The following PALB2 variants were observed in gnomAD, a reference collection of about 807,000 sequenced individuals.
PALB2 encodes partner and localizer of BRCA2, also known as mutant partner and localizer of BRCA2.
In PALB2, 82 loss-of-function variants were observed where a neutral mutation model predicts 107.4. The ratio of observed to expected loss-of-function variants is 0.76; its 90% confidence interval spans 0.64 to 0.92. PALB2 has a LOEUF of 0.92. Among genes scored for constraint, PALB2 ranks in the 40% least tolerant of loss-of-function variants. PALB2 has a pLI of 0.00. For synonymous variants in PALB2, 489 were observed against 496.8 expected (o/e 0.98, Z 0.21); for missense variants, 1,374 against 1,379.9 (o/e 1.00, Z 0.07).
chr16:23,634,255 A>G (rs1041206645), intron 4 of PALB2, among the ~76,000 whole-genome samples: 1 of 152,158 alleles, frequency 6.6e-6, no homozygotes, highest in Admixed American at 6.5e-5. Flanking sequence ...ATCTCCCTGT[A>G]CTTTAGTTTC....
intron 1 of PALB2, 94 bp from the exon 2 acceptor site, chr16:23,638,223 G>A: frequency 2.2e-6 from 2 of 914,354 alleles, no homozygotes; most frequent in South Asian, 1.3e-5. Context: ...TTGGCAAGAG[G>A]CAGGGAGTAG....
rs863224789 is a variant in PALB2 at position 23,636,166 on chromosome 16, T to C, written c.380A>G (p.His127Arg). 2 of 1,612,168 alleles carry C rather than the reference T, an allele frequency of 1.2e-6. No homozygotes were observed. The highest frequency in any genetic ancestry group is 4.5e-5 in the East Asian group (2 of 44,854). ...PIQRTDDTQE[H>R]FPHRVSDPSG... The stretch of plus-strand genomic sequence containing the variant: ...AGGGTCACTGACCCTGTGGGGAAAA[T>C]GTTCTTGGGTGTCATCTGTTCTTTG... Residue 127 changes from histidine to arginine, a missense_variant, in exon 4 of 13, where the codon CAT (histidine) becomes CGT (arginine). Coordinates refer to ENST00000261584, the MANE Select transcript of PALB2 (RefSeq NM_024675.4).
intron 1 of PALB2, chr16:23,640,201 C>T (rs1967186083): frequency 5.6e-6 from 1 of 177,694 alleles, no homozygotes; most frequent in Non-Finnish European, 1.2e-5. Flanking sequence ...TCCCACCAAT[C>T]TTATCAATGT....
intron 11 of PALB2, 48 bp downstream of exon 11, chr16:23,613,956 T>G: frequency 1.4e-5 from 20 of 1,415,800 alleles, no homozygotes; most frequent in Non-Finnish European, 1.9e-5. Flanking sequence ...TCTCACTTAA[T>G]GAGACCAACA....
rs1967221868 is a variant in PALB2 at position 23,640,977 on chromosome 16, C to T, written c.48+133G>A. ...TTTCCACATTTTCATTTTCTGTGCC[C>T]CCTCAGCCCTAAGAGGAGGGGGTGG... On this transcript the variant is annotated intron_variant, in intron 1 of 12. Transcript: ENST00000261584. 7 of 979,476 alleles carry T rather than the reference C, an allele frequency of 7.1e-6. No homozygotes were observed. In the East Asian group the frequency reaches 1.9e-4, roughly 26 times the overall value. 60.7% of individuals were successfully genotyped at this position (979,476 alleles called of 1,614,324 possible). A position where few individuals can be genotyped will look rare whatever the true frequency, so the allele number is the denominator to read the frequency against.
intron 3 of PALB2, among the ~76,000 whole-genome samples, 170 bp downstream of exon 3, chr16:23,637,679 TG>T (rs1429964014): frequency 6.6e-6 from 1 of 152,150 alleles, no homozygotes; most frequent in Non-Finnish European, 1.5e-5. Context: ...CACTCCAGCC[TG>T]GGTAACAAAG....
chr16:23,623,148 A>G lies in PALB2; in HGVS notation c.2835-18T>C, dbSNP rs1966806281. ...ACAATGCCCTAAGCCAAATATAAGG[A>G]AAAATGGGGTGATGTGAGGAGTAAC... is the stretch of plus-strand genomic sequence containing the variant. On this transcript the variant is annotated intron_variant, in intron 8 of 12. Coordinates refer to ENST00000261584, the MANE Select transcript of PALB2 (RefSeq NM_024675.4). The G allele has an allele frequency of 4.4e-6, 7 of 1,609,052 alleles. No homozygotes were observed. The highest frequency in any genetic ancestry group is 5.1e-6 in the Non-Finnish European group (6 of 1,175,970).
chr16:23,606,587 ACAAT>A (rs1966478854), intron 12 of PALB2, among the ~76,000 whole-genome samples: 1 of 152,174 alleles, frequency 6.6e-6, no homozygotes, highest in Non-Finnish European at 1.5e-5. Flanking sequence ...GTGCAGTGGT[ACAAT>A]CTCGGCTCAC....
chr16:23,621,581 T>C (rs956604487), intron 9 of PALB2, 103 bp from the exon 10 acceptor site: 9 of 728,198 alleles, frequency 1.2e-5, no homozygotes, highest in Non-Finnish European at 1.9e-5. Flanking sequence ...TAACCTAATA[T>C]CAGGAAAAAA....
At chr16:23,627,505 A>G (rs1442703919) in intron 6 of PALB2, among the ~76,000 whole-genome samples, 1 of 151,522 alleles carries the variant, frequency 6.6e-6, no homozygotes, top group Non-Finnish European at 1.5e-5. Flanking sequence ...AAAAAAAAAA[A>G]AAAAAAGAAA....
rs730881869 is a variant in PALB2 at position 23,626,255 on chromosome 16, TAA to T, written c.2727_2728del (p.Thr911LeufsTer16). ...ACTTACCTCTGCGAAGTGCCAGGTA[TAA>T]AGTTTTTCCCACTGCCAAGCATCCA... is the stretch of plus-strand genomic sequence containing the variant. On this transcript the variant is annotated frameshift_variant, in exon 7 of 13. Coordinates refer to ENST00000261584, the MANE Select transcript of PALB2 (RefSeq NM_024675.4). LOFTEE classifies it high-confidence loss of function. The T allele has an allele frequency of 2.5e-6, 4 of 1,614,030 alleles. No individual in the cohort carries two copies. The highest frequency in any genetic ancestry group is 3.4e-6 in the Non-Finnish European group (4 of 1,180,034).
rs2142457804 is a variant in PALB2 at position 23,637,945 on chromosome 16, TG to T, written c.115del (p.Gln39LysfsTer14). 6.2e-7 allele frequency: 1 copy of T among 1,613,918 alleles called. No homozygotes were observed. Among genetic ancestry groups the T allele is most frequent in the Non-Finnish European group, 8.5e-7 (1 of 1,179,786 alleles). On this transcript the variant is annotated frameshift_variant, in exon 3 of 13. Coordinates refer to ENST00000261584, the MANE Select transcript of PALB2 (RefSeq NM_024675.4). LOFTEE classifies it high-confidence loss of function. ...SKTLARLQRA[Q>X]RAEKIKHSIK... ...AGAATGCTTAATCTTTTCAGCTCTTTGGGCACGCTAGAGGAGACAAAAACAG... is the reference window on the plus strand; with the variant it reads ...AGAATGCTTAATCTTTTCAGCTCTTTGGCACGCTAGAGGAGACAAAAACAG...
At chr16:23,603,735 AGGT>A in intron 12 of PALB2, 66 bp from the exon 13 acceptor site, 13 of 1,344,262 alleles carry the variant, frequency 9.7e-6, no homozygotes, top group Admixed American at 2.0e-5. Flanking sequence ...AAAAAAAAAA[AGGT>A]CAAAACCATG....
intron 11 of PALB2, among the ~76,000 whole-genome samples, chr16:23,611,786 C>T (rs1348267280): frequency 1.3e-5 from 2 of 152,082 alleles, no homozygotes; most frequent in South Asian, 2.1e-4. Context: ...CAGGGTCTCA[C>T]TCTATCGCCC....
At chr16:23,626,514 G>T in intron 6 of PALB2, 117 bp from the exon 7 acceptor site, 1 of 1,234,236 alleles carries the variant, frequency 8.1e-7, no homozygotes, top group Non-Finnish European at 1.2e-6. Flanking sequence ...TAAAATTTAA[G>T]TCTTATGCAG....
In PALB2 at chr16:23,614,263, T is replaced by C. The variant is rs146773703; in HGVS notation, c.3114-172A>G. ...GTAAAAGTAGAACTGTGGGTTAATT[T>C]TGCCAATAGTTTCATTTGATAGTTC... On this transcript the variant is annotated intron_variant, in intron 10 of 12. Transcript: ENST00000261584. 8.0e-3 allele frequency among the ~76,000 whole-genome samples: 1,223 copies of C among 152,326 alleles called. 19 individuals are homozygous for C. The highest frequency in any genetic ancestry group is 0.028 in the African/African-American group (1,153 of 41,556).
At chr16:23,606,296 C>T (rs1272469080) in intron 12 of PALB2, among the ~76,000 whole-genome samples, 1 of 151,712 alleles carries the variant, frequency 6.6e-6, no homozygotes, top group Non-Finnish European at 1.5e-5. Flanking sequence ...GTCCCAGCTA[C>T]TTGGGAAGCT....
intron 10 of PALB2, among the ~76,000 whole-genome samples, chr16:23,620,673 C>T (rs1408315527): frequency 1.3e-5 from 2 of 152,184 alleles, no homozygotes; most frequent in African/African-American, 4.8e-5. Context: ...TCTTTGAAAA[C>T]AGAATTCCAT....
At chr16:23,630,749 G>C (rs963360865) in intron 4 of PALB2, among the ~76,000 whole-genome samples, 1 of 152,086 alleles carries the variant, frequency 6.6e-6, no homozygotes, top group African/African-American at 2.4e-5. Flanking sequence ...AAACTTGGGC[G>C]AAGGGTTCAA....
Sources: gnomAD v4.1 joint callset for allele counts (sites outside exome capture counted in the v4.1 genomes callset) on GRCh38, gnomAD v4.1.1 for gene constraint, MANE v1.5 for transcripts, NCBI Gene and HGNC (gene_info 2026-07-23, HGNC 2026-07-21) for gene names.